Variants in TLCD2 observed in about 807,000 individuals in gnomAD.
The protein encoded by TLCD2 is TLC domain-containing protein 2.
TLCD2 carries 12 observed loss-of-function variants against 14.0 expected under a neutral mutation model. The observed-to-expected ratio is 0.86, with a 90% CI of 0.55 to 1.39. The LOEUF (loss-of-function observed/expected upper bound fraction) is 1.39. Ranked by LOEUF, TLCD2 falls within the 40% of genes most tolerant of loss-of-function variation. The pLI is 0.00. For missense variants in TLCD2, 360 were observed against 346.8 expected (o/e 1.04, Z -0.30); for synonymous variants, 166 against 156.5 (o/e 1.06, Z -0.45).
At chr17:1,708,267 G>C (rs1914102956) in intron 3 of TLCD2, 45 bp from the exon 4 acceptor site, 3 of 1,417,142 alleles carry the variant, frequency 2.1e-6, no homozygotes, top group Non-Finnish European at 2.8e-6. Flanking sequence ...TGACCTGCCA[G>C]CCATCATGTC....
At chr17:1,708,686 T>C (rs1914121285) in intron 3 of TLCD2, among the ~76,000 whole-genome samples, 1 of 151,874 alleles carries the variant, frequency 6.6e-6, no homozygotes, top group Admixed American at 6.6e-5. Flanking sequence ...GGGGTTTCAC[T>C]GTTAGTCAGG....
chr17:1,707,783 C>T lies in TLCD2; in HGVS notation c.782G>A (p.Ser261Asn), dbSNP rs770738628. Reference sequence around the variant, plus strand: ...CATGGCTTCTCTCTAGTCTTTCAGGCTGAGAGTCGAACTGTTGCTGGTGAC... The same window carrying T: ...CATGGCTTCTCTCTAGTCTTTCAGGTTGAGAGTCGAACTGTTGCTGGTGAC... ...GPVTSNSSTLSLKD is the reference protein window; with the variant it reads ...GPVTSNSSTLNLKD Residue 261 changes from serine (S) to asparagine (N), a missense_variant, in exon 4 of 4, where the codon AGC becomes AAC. Physicochemically the swap from Ser to Asn is conservative, Grantham distance 46. Transcript: ENST00000330676. 4 of 1,495,158 alleles carry T rather than the reference C, an allele frequency of 2.7e-6. No homozygotes were observed. In the African/African-American group the frequency reaches 5.5e-5, roughly 21 times the overall value. 92.6% of individuals were successfully genotyped at this position (1,495,158 alleles called of 1,614,324 possible).
chr17:1,708,748 G>A (rs1290575671), intron 3 of TLCD2, among the ~76,000 whole-genome samples: 1 of 152,184 alleles, frequency 6.6e-6, no homozygotes, highest in Non-Finnish European at 1.5e-5. Context: ...CTCCCAGTGT[G>A]CTGGGATTAT....
rs1913920425 is a variant in TLCD2, at chr17:1,702,959, C to T, written c.*4811G>A. 6.6e-6 allele frequency: 1 copy of T among 152,042 alleles called. No individual in the cohort carries two copies. The highest frequency in any genetic ancestry group is 1.9e-4 in the East Asian group (1 of 5,186). 9.4% of individuals were successfully genotyped at this position (152,042 alleles called of 1,614,324 possible). ...CAAGTAGCTTGGTAGACATGGAGTC[C>T]GTCTTGAGGACCATTTCCCTGGGCC... On this transcript the variant is annotated 3_prime_UTR_variant, in exon 4 of 4. Transcript: ENST00000330676.
rs1471496187 is a variant in TLCD2, at chr17:1,708,097, C to T, written c.468G>A (p.Gln156=). 1 of 1,537,144 alleles carries T rather than the reference C, an allele frequency of 6.5e-7. No homozygotes were observed. Among genetic ancestry groups the T allele is most frequent in the South Asian group, 1.2e-5 (1 of 84,064 alleles). ...TCACGCTGAAGGCCAGGGATGGGGCCTGGCGAGAAAGCAACAGCAGCTTCC... is the reference window on the plus strand; with the variant it reads ...TCACGCTGAAGGCCAGGGATGGGGCTTGGCGAGAAAGCAACAGCAGCTTCC... ...HLRKLLLLSR[Q]APSLAFSVTS... is the part of the protein sequence containing the mutation. The change falls in exon 4 of 4, where the codon CAG becomes CAA. Residue 156 remains glutamine (Q), a synonymous_variant. Transcript: ENST00000330676.
Position 1,704,250 on chromosome 17 carries a change from A to G in TLCD2, c.*3520T>C, listed in dbSNP as rs1913961153. ...AAAAAAAAAAAAAAAAAAGAAGAAA[A>G]GAAAGAAAAAAGAAAATTTTTTTTT... On this transcript the variant is annotated 3_prime_UTR_variant, in exon 4 of 4. Transcript: ENST00000330676. 6.9e-6 allele frequency: 1 copy of G among 145,272 alleles called. No homozygotes were observed. Among genetic ancestry groups the G allele is most frequent in the Non-Finnish European group, 1.5e-5 (1 of 66,298 alleles). 9.0% of individuals were successfully genotyped at this position (145,272 alleles called of 1,614,324 possible). A position where few individuals can be genotyped will look rare whatever the true frequency, so the allele number is the denominator to read the frequency against.
rs1290621469 is a variant in TLCD2, at chr17:1,704,720, T to G, written c.*3050A>C. On this transcript the variant is annotated 3_prime_UTR_variant, in exon 4 of 4. Coordinates refer to ENST00000330676, the MANE Select transcript of TLCD2 (RefSeq NM_001164407.2). ...TCTTTGGATATTCAATTTTTTTTTT[T>G]GAGACGGAGTCTCACTCTGTCACCC... 1 of 151,704 alleles carries G rather than the reference T, an allele frequency of 6.6e-6. No homozygotes were observed. The highest frequency in any genetic ancestry group is 1.5e-5 in the Non-Finnish European group (1 of 67,990). The allele number at this position is 151,704 out of a possible 1,614,324, so 9.4% of individuals were successfully genotyped here. A position where few individuals can be genotyped will look rare whatever the true frequency, so the allele number is the denominator to read the frequency against.
chr17:1,708,594 C>G (rs932880734), intron 3 of TLCD2, among the ~76,000 whole-genome samples: 2 of 147,358 alleles, frequency 1.4e-5, no homozygotes, highest in African/African-American at 5.0e-5. Context: ...TCAAGCAATT[C>G]TCCTGCCTCA....
intron 3 of TLCD2, among the ~76,000 whole-genome samples, chr17:1,709,214 C>A (rs1025124432): frequency 4.6e-5 from 7 of 151,914 alleles, no homozygotes; most frequent in Admixed American, 1.3e-4. Flanking sequence ...CATGGAGAAA[C>A]CCCGTCTTTA....
chr17:1,710,254 TG>T lies in TLCD2; in HGVS notation c.-13del, dbSNP rs1914186884. On this transcript the variant is annotated 5_prime_UTR_variant, in exon 1 of 4. Coordinates refer to ENST00000330676, the MANE Select transcript of TLCD2 (RefSeq NM_001164407.2). This position sits in a 1 kb window ranked among gnomAD's most constrained non-coding sequence, Gnocchi z 6.1. ...CCCGTGGGCGCCATGGCCTGGCGGT[TG>T]GGGGGTTGCGGGGAGTCCGGGTCGG... The T allele has an allele frequency of 1.9e-5, 29 of 1,515,230 alleles. No homozygotes were observed. Among genetic ancestry groups the T allele is most frequent in the Non-Finnish European group, 2.5e-5 (28 of 1,138,992 alleles). 93.9% of individuals were successfully genotyped at this position (1,515,230 alleles called of 1,614,324 possible).
At chr17:1,709,720 G>A in intron 2 of TLCD2, 84 bp downstream of exon 2, 4 of 1,219,170 alleles carry the variant, frequency 3.3e-6, no homozygotes, top group Non-Finnish European at 4.7e-6. Context: ...ACCCCCATGG[G>A]GGCGGGGAAT....
chr17:1,707,433 A>G lies in TLCD2; in HGVS notation c.*337T>C. The G allele has an allele frequency of 3.4e-6, 1 of 293,012 alleles. No individual in the cohort carries two copies. Among genetic ancestry groups the G allele is most frequent in the Non-Finnish European group, 6.4e-6 (1 of 157,006 alleles). 18.2% of individuals were successfully genotyped at this position (293,012 alleles called of 1,614,324 possible). On this transcript the variant is annotated 3_prime_UTR_variant, in exon 4 of 4. Transcript: ENST00000330676. ...CTTCCCCCATCTGTCCCTGGGTTAA[A>G]GCAAAGAGCTTCTGTCTCCACTGGC...
chr17:1,709,714 C>T, intron 2 of TLCD2, 90 bp downstream of exon 2: 1 of 1,212,080 alleles, frequency 8.3e-7, no homozygotes, highest in Non-Finnish European at 1.2e-6. Context: ...CGTTTAACCC[C>T]CATGGGGGCG....
Position 1,707,125 on chromosome 17 carries a change from C to A in TLCD2, c.*645G>T, listed in dbSNP as rs1377049171. The stretch of plus-strand genomic sequence containing the variant: ...GAGGTTGCAGTGAGCCGAAATCGTG[C>A]CACTACACTCCAGCCTGGGTGACAG... On this transcript the variant is annotated 3_prime_UTR_variant, in exon 4 of 4. Transcript: ENST00000330676. The A allele has an allele frequency of 6.6e-6, 1 of 152,042 alleles. No individual in the cohort carries two copies. The highest frequency in any genetic ancestry group is 1.5e-5 in the Non-Finnish European group (1 of 68,054). 9.4% of individuals were successfully genotyped at this position (152,042 alleles called of 1,614,324 possible).
intron 3 of TLCD2, among the ~76,000 whole-genome samples, chr17:1,708,435 CACCCCCTAAT>C (rs1202499963): frequency 6.7e-6 from 1 of 150,000 alleles, no homozygotes; most frequent in Non-Finnish European, 1.5e-5. Context: ...GGGGCTGTCT[CACCCCCTAAT>C]ACCCCCTTAA....
rs76935643 is a variant in TLCD2 at position 1,708,104 on chromosome 17, G to A, written c.461C>T (p.Ser154Phe). ...CLHLRKLLLL[S>F]RQAPSLAFSV... is the part of the protein sequence containing the mutation. ...GAAGGCCAGGGATGGGGCCTGGCGA[G>A]AAAGCAACAGCAGCTTCCGCAGGTG... Residue 154 changes from serine to phenylalanine, a missense_variant, in exon 4 of 4, where the codon TCT (serine) becomes TTT (phenylalanine). Transcript: ENST00000330676. 3 of 1,536,988 alleles carry A rather than the reference G, an allele frequency of 2.0e-6. No homozygotes were observed. Among genetic ancestry groups the A allele is most frequent in the African/African-American group, 1.4e-5 (1 of 73,062 alleles).
In TLCD2 at chr17:1,709,894, C is replaced by G; in HGVS notation, c.177-8G>C. 7.0e-7 allele frequency: 1 copy of G among 1,426,916 alleles called. No individual in the cohort carries two copies. Among genetic ancestry groups the G allele is most frequent in the Non-Finnish European group, 9.5e-7 (1 of 1,054,088 alleles). The allele number at this position is 1,426,916 out of a possible 1,614,324, so 88.4% of individuals were successfully genotyped here. ...TGAGGGTACAGTGACAGGCTGGGGG[C>G]ATGGGGTGGGGACATGGGGGGGGGC... On this transcript the variant is annotated splice_polypyrimidine_tract_variant and splice_region_variant and intron_variant, in intron 1 of 3. Coordinates refer to ENST00000330676, the MANE Select transcript of TLCD2 (RefSeq NM_001164407.2).
rs995642602 is a variant in TLCD2 at position 1,707,667 on chromosome 17, A to G, written c.*103T>C. The G allele has an allele frequency of 1.1e-6, 1 of 877,398 alleles. No homozygotes were observed. The highest frequency in any genetic ancestry group is 1.6e-6 in the Non-Finnish European group (1 of 608,430). 54.4% of individuals were successfully genotyped at this position (877,398 alleles called of 1,614,324 possible). ...AGCTGGAAGAGAAACTGAGATTCTGATGAGCAAGTCTGGCCCTCACCCTGA... is the reference window on the plus strand; with the variant it reads ...AGCTGGAAGAGAAACTGAGATTCTGGTGAGCAAGTCTGGCCCTCACCCTGA... On this transcript the variant is annotated 3_prime_UTR_variant, in exon 4 of 4. Coordinates refer to ENST00000330676, the MANE Select transcript of TLCD2 (RefSeq NM_001164407.2).
rs1249235078 is a variant in TLCD2 at position 1,705,772 on chromosome 17, A to C, written c.*1998T>G. 6.6e-6 allele frequency: 1 copy of C among 151,962 alleles called. No homozygotes were observed. The highest frequency in any genetic ancestry group is 2.4e-5 in the African/African-American group (1 of 41,314). 9.4% of individuals were successfully genotyped at this position (151,962 alleles called of 1,614,324 possible). A position where few individuals can be genotyped will look rare whatever the true frequency, so the allele number is the denominator to read the frequency against. ...ATCTTCCTGTCTCTTGCTTTTGCTC[A>C]TGTAGCTTTTCTGTGGATGGCTAAG... On this transcript the variant is annotated 3_prime_UTR_variant, in exon 4 of 4. Coordinates refer to ENST00000330676, the MANE Select transcript of TLCD2 (RefSeq NM_001164407.2).
Sources: allele counts gnomAD v4.1 joint callset (sites outside exome capture counted in the v4.1 genomes callset), GRCh38; gene constraint gnomAD v4.1.1; non-coding constraint Gnocchi (gnomAD v3.1); transcripts MANE v1.5; gene names NCBI Gene and HGNC (gene_info 2026-07-23, HGNC 2026-07-21).